OGDH: variants seen among roughly 807,000 people sequenced by gnomAD.
OGDH encodes oxoglutarate dehydrogenase, also known as 2-oxoglutarate dehydrogenase complex component E1.
In OGDH, 38 loss-of-function variants were observed where a neutral mutation model predicts 116.6. The observed-to-expected ratio is 0.33, with a 90% confidence interval of 0.25 to 0.43. The LOEUF is 0.43. Among genes scored for constraint, OGDH ranks in the 20% least tolerant of loss-of-function variants. The probability of loss-of-function intolerance (pLI) is 1.00; values close to 1 mark genes in which losing one functional copy is unlikely to be tolerated. For synonymous variants in OGDH, 488 were observed against 533.3 expected (o/e 0.92, Z 1.17); for missense variants, 825 against 1,357.2 (o/e 0.61, Z 6.16).
chr7:44,691,763 T>C (rs576862857), intron 10 of OGDH, among the ~76,000 whole-genome samples: 1 of 150,916 alleles, frequency 6.6e-6, no homozygotes, highest in Non-Finnish European at 1.5e-5. Flanking sequence ...GATCACAAGG[T>C]CAGGAGATTG....
At chr7:44,680,723 C>T (rs1196241597) in intron 9 of OGDH, among the ~76,000 whole-genome samples, 1 of 152,168 alleles carries the variant, frequency 6.6e-6, no homozygotes. Flanking sequence ...AAGCTGGCTT[C>T]TTAGAGAAAC....
At chr7:44,662,937 C>G (rs1787013438) in intron 4 of OGDH, among the ~76,000 whole-genome samples, 1 of 152,168 alleles carries the variant, frequency 6.6e-6, no homozygotes, top group Non-Finnish European at 1.5e-5. Context: ...TGGGAATATC[C>G]TGTGGATTCA....
chr7:44,645,323 T>G lies in OGDH; in HGVS notation c.223-4T>G. On this transcript the variant is annotated splice_region_variant and splice_polypyrimidine_tract_variant and intron_variant, in intron 2 of 22. Coordinates refer to ENST00000222673, the MANE Select transcript of OGDH (RefSeq NM_002541.4). The stretch of plus-strand genomic sequence containing the variant: ...AGGTAACCCTGTACCTTCTTTGTCT[T>G]TAGTCATGGGACATTTTTTTTCGCA... The G allele has an allele frequency of 4.3e-6, 7 of 1,613,570 alleles. No individual in the cohort carries two copies. The highest frequency in any genetic ancestry group is 5.9e-6 in the Non-Finnish European group (7 of 1,179,690).
Position 44,694,433 on chromosome 7 carries a change from C to T in OGDH, c.1525C>T (p.Arg509Trp). The change falls in exon 12 of 23, where the codon CGG becomes TGG. Residue 509 changes from arginine to tryptophan, a missense_variant. Arg to Trp is a moderately radical substitution (Grantham distance 101, BLOSUM62 -3). Around this residue, in one of 7 missense-constraint regions of OGDH, gnomAD observed 146 missense variants for 317.3 expected, o/e 0.46. Transcript: ENST00000222673. The surrounding 1 kb of genome is among the most constrained non-coding windows in gnomAD (Gnocchi z 4.2). ...KDVVVDLVCY[R>W]RNGHNEMDEP... ...TCACTGCTCTGAGCAGGTGTGTTACCGGCGCAACGGCCACAACGAGATGGA... is the reference window on the plus strand; with the variant it reads ...TCACTGCTCTGAGCAGGTGTGTTACTGGCGCAACGGCCACAACGAGATGGA... 6.2e-7 allele frequency: 1 copy of T among 1,613,756 alleles called. No homozygotes were observed. The highest frequency in any genetic ancestry group is 8.5e-7 in the Non-Finnish European group (1 of 1,179,960).
In OGDH at chr7:44,626,332, CCCCT is replaced by C. The variant is rs201709152; in HGVS notation, c.222+1768_222+1771del. The stretch of plus-strand genomic sequence containing the variant: ...ACACACACACACACACACACACACA[CCCCT>C]ACACACACACACACACACACACACC... On this transcript the variant is annotated intron_variant, in intron 2 of 22. Transcript: ENST00000222673. Among the ~76,000 whole-genome samples, 917 of 117,404 alleles carry C rather than the reference CCCCT, an allele frequency of 7.8e-3. 8 individuals carry two copies. The highest frequency in any genetic ancestry group is 0.027 in the African/African-American group (842 of 30,904). 77.0% of individuals were successfully genotyped at this position (117,404 alleles called of 152,430 possible).
intron 4 of OGDH, chr7:44,656,490 TA>T: frequency 1.3e-6 from 1 of 799,254 alleles, no homozygotes; most frequent in East Asian, 2.7e-5. Flanking sequence ...TTAAGTTTGT[TA>T]ATTGTTCTGA....
intron 8 of OGDH, 44 bp from the exon 9 acceptor site, chr7:44,675,926 G>A: frequency 1.3e-6 from 2 of 1,593,382 alleles, no homozygotes; most frequent in Non-Finnish European, 1.7e-6. Context: ...TGGAGACTGA[G>A]CATCTCCTTG....
intron 10 of OGDH, among the ~76,000 whole-genome samples, chr7:44,686,681 C>CT (rs1481690761): frequency 4.9e-5 from 7 of 143,370 alleles, no homozygotes; most frequent in African/African-American, 1.3e-4. Context: ...TTTTTATTTT[C>CT]TTTTTTTCTT....
intron 14 of OGDH, 102 bp from the exon 15 acceptor site, chr7:44,696,812 A>G: frequency 1.4e-6 from 2 of 1,398,376 alleles, no homozygotes; most frequent in Admixed American, 2.7e-5. Context: ...CCCAGAAACT[A>G]CGAGTAAAGA....
At chr7:44,618,344 G>C (rs1296965871) in intron 1 of OGDH, among the ~76,000 whole-genome samples, 1 of 152,092 alleles carries the variant, frequency 6.6e-6, no homozygotes, top group Non-Finnish European at 1.5e-5. Context: ...TCTAGTTTTA[G>C]AGCATTTTCA....
rs143316978 is a variant in OGDH at position 44,669,908 on chromosome 7, T to C, written c.633+3057T>C. Among the ~76,000 whole-genome samples, 5 of 152,356 alleles carry C rather than the reference T, an allele frequency of 3.3e-5. No individual in the cohort carries two copies. The East Asian group carries it at 7.7e-4, about 23-fold the overall frequency. Reference sequence around the variant, plus strand: ...ACATTTAATGTGTGTGTATGTTAGATTGGTGATATAATCAGACAGATCTTA... The same window carrying C: ...ACATTTAATGTGTGTGTATGTTAGACTGGTGATATAATCAGACAGATCTTA... On this transcript the variant is annotated intron_variant, in intron 5 of 22. Coordinates refer to ENST00000222673, the MANE Select transcript of OGDH (RefSeq NM_002541.4).
chr7:44,647,233 C>A (rs529568713), intron 3 of OGDH, among the ~76,000 whole-genome samples: 1 of 152,336 alleles, frequency 6.6e-6, no homozygotes, highest in South Asian at 2.1e-4. Flanking sequence ...TTATCATAAC[C>A]TGAGTTTATC....
intron 1 of OGDH, among the ~76,000 whole-genome samples, chr7:44,611,395 A>C (rs1348261752): frequency 6.6e-6 from 1 of 151,368 alleles, no homozygotes; most frequent in Non-Finnish European, 1.5e-5. Context: ...CAGCCTCCTG[A>C]GTAGCTGGGA....
chr7:44,645,667 T>A (rs1250124928), intron 3 of OGDH, 149 bp downstream of exon 3: 2 of 748,914 alleles, frequency 2.7e-6, no homozygotes, highest in Non-Finnish European at 4.1e-6. Context: ...TTTGGGAGGC[T>A]AAAAAACAAA....
At chr7:44,669,399 G>A (rs1163434184) in intron 5 of OGDH, among the ~76,000 whole-genome samples, 1 of 151,958 alleles carries the variant, frequency 6.6e-6, no homozygotes, top group Non-Finnish European at 1.5e-5. Context: ...TGATCCTCTT[G>A]CCTTCGTCTC....
Position 44,694,350 on chromosome 7 carries a change from G to A in OGDH, c.1516-74G>A. ...CGTGGCCATCACCTAGGAGAGATGG[G>A]GCAGGTGCCTGAACAGCACTTCTTC... On this transcript the variant is annotated intron_variant, in intron 11 of 22. Transcript: ENST00000222673. This position sits in a 1 kb window ranked among gnomAD's most constrained non-coding sequence, Gnocchi z 4.2. 4 of 1,566,402 alleles carry A rather than the reference G, an allele frequency of 2.6e-6. No homozygotes were observed. Among genetic ancestry groups the A allele is most frequent in the African/African-American group, 2.7e-5 (2 of 74,104 alleles).
chr7:44,611,393 T>A (rs1285210861), intron 1 of OGDH, among the ~76,000 whole-genome samples: 1 of 152,036 alleles, frequency 6.6e-6, no homozygotes, highest in Admixed American at 6.6e-5. Flanking sequence ...CTCAGCCTCC[T>A]GAGTAGCTGG....
intron 4 of OGDH, chr7:44,656,345 G>A (rs1259100633): frequency 6.5e-6 from 10 of 1,535,814 alleles, no homozygotes; most frequent in Admixed American, 2.0e-5. Context: ...GAACGACTTC[G>A]AATGCTAACA....
At chr7:44,609,261 C>A (rs563590291) in intron 1 of OGDH, among the ~76,000 whole-genome samples, 18 of 146,374 alleles carry the variant, frequency 1.2e-4, no homozygotes, top group Admixed American at 5.8e-4. Context: ...ATCCTAGCAA[C>A]TTTGGGAGGC....
Sources: allele counts gnomAD v4.1 joint callset (sites outside exome capture counted in the v4.1 genomes callset), GRCh38; gene constraint gnomAD v4.1.1; regional missense constraint gnomAD v4.1.1; non-coding constraint Gnocchi (gnomAD v3.1); transcripts MANE v1.5; gene names NCBI Gene and HGNC (gene_info 2026-07-23, HGNC 2026-07-21).